Variants in FMNL2 observed in about 807,000 individuals in gnomAD.
FMNL2 encodes formin like 2.
A neutral mutation model predicts 130.2 loss-of-function variants in FMNL2; 51 were observed. That is an observed-to-expected ratio of 0.39 (90% CI 0.31 to 0.49). The LOEUF (loss-of-function observed/expected upper bound fraction) is 0.49, where lower values mean the gene tolerates loss of function less well. Ranked by LOEUF, FMNL2 falls within the 20% of genes least tolerant of loss-of-function variation. The probability of loss-of-function intolerance (pLI) is 0.85; values close to 1 mark genes in which losing one functional copy is unlikely to be tolerated. For missense variants in FMNL2, 977 were observed against 1,316.2 expected, an observed-to-expected ratio of 0.74 and a Z score of 3.99; for synonymous variants, 465 against 467.1, an observed-to-expected ratio of 1.00 and a Z score of 0.06.
rs1193540665 is a variant in FMNL2, at chr2:152,649,621, C to T, written c.*1716C>T. ...ACTTCCACTACAAAGCAGCTGTTTTCCAAAGTTCAATGCTGACATATATGT... is the reference window on the plus strand; with the variant it reads ...ACTTCCACTACAAAGCAGCTGTTTTTCAAAGTTCAATGCTGACATATATGT... On this transcript the variant is annotated 3_prime_UTR_variant, in exon 26 of 26. Coordinates refer to ENST00000288670, the MANE Select transcript of FMNL2 (RefSeq NM_052905.4). 1 of 152,622 alleles carries T rather than the reference C, an allele frequency of 6.6e-6. No individual in the cohort carries two copies. Among genetic ancestry groups the T allele is most frequent in the Non-Finnish European group, 1.5e-5 (1 of 68,038 alleles). 9.5% of individuals were successfully genotyped at this position (152,622 alleles called of 1,614,324 possible). A position where few individuals can be genotyped will look rare whatever the true frequency, so the allele number is the denominator to read the frequency against.
chr2:152,640,653 A>G (rs543792576), intron 24 of FMNL2, 138 bp from the exon 25 acceptor site: 48 of 1,085,642 alleles, frequency 4.4e-5, no homozygotes, highest in African/African-American at 1.1e-4. Context: ...GTTCTCTGCA[A>G]CTGAGCAGAA....
chr2:152,564,724 C>A (rs1695720619), intron 6 of FMNL2, among the ~76,000 whole-genome samples: 2 of 137,320 alleles, frequency 1.5e-5, no homozygotes, highest in South Asian at 2.4e-4. Flanking sequence ...CAGAGCAAGA[C>A]TCAATCTCAA....
At chr2:152,466,378 CTTTA>C (rs1462337855) in intron 1 of FMNL2, among the ~76,000 whole-genome samples, 5 of 152,186 alleles carry the variant, frequency 3.3e-5, no homozygotes, top group East Asian at 1.9e-4. Context: ...TCTTTTCTGT[CTTTA>C]TTTGTTTCTC....
chr2:152,631,335 G>A (rs1290887651), intron 20 of FMNL2, among the ~76,000 whole-genome samples: 2 of 141,258 alleles, frequency 1.4e-5, no homozygotes, highest in Admixed American at 1.5e-4. Flanking sequence ...GGAGTTTGTA[G>A]TGAGCCAAGA....
chr2:152,506,063 A>G (rs1692150978), intron 1 of FMNL2, among the ~76,000 whole-genome samples: 2 of 152,206 alleles, frequency 1.3e-5, no homozygotes, highest in African/African-American at 4.8e-5. Context: ...CCTAGATTGA[A>G]GTTTATTTGC....
chr2:152,387,032 A>C (rs964174591), intron 1 of FMNL2, among the ~76,000 whole-genome samples: 5 of 152,166 alleles, frequency 3.3e-5, no homozygotes, highest in Admixed American at 1.3e-4. Flanking sequence ...GTCATGAGGG[A>C]GGACTGGTTC....
At chr2:152,566,902 C>T (rs1215732773) in intron 6 of FMNL2, among the ~76,000 whole-genome samples, 2 of 152,128 alleles carry the variant, frequency 1.3e-5, no homozygotes, top group Admixed American at 1.3e-4. Context: ...AGGGAGAAGT[C>T]AGGAGAGTGA....
At chr2:152,492,496 A>G (rs757637832) in intron 1 of FMNL2, among the ~76,000 whole-genome samples, 11 of 152,124 alleles carry the variant, frequency 7.2e-5, no homozygotes, top group Admixed American at 5.2e-4. Context: ...GCTTTTCTCA[A>G]CTGGAGAATG....
At chr2:152,576,210 T>A (rs887834755) in intron 7 of FMNL2, among the ~76,000 whole-genome samples, 2 of 152,308 alleles carry the variant, frequency 1.3e-5, no homozygotes, top group South Asian at 2.1e-4. Context: ...AGGTGCTGTG[T>A]TAAATTTAAG....
intron 1 of FMNL2, among the ~76,000 whole-genome samples, chr2:152,342,231 C>A (rs1335373353): frequency 6.6e-6 from 1 of 152,120 alleles, no homozygotes; most frequent in Non-Finnish European, 1.5e-5. Flanking sequence ...GCTCTCCAGC[C>A]CTCAGGTTTA....
intron 13 of FMNL2, 67 bp from the exon 14 acceptor site, chr2:152,618,779 C>G (rs938267703): frequency 4.5e-5 from 61 of 1,370,254 alleles, no homozygotes; most frequent in Non-Finnish European, 5.8e-5. Flanking sequence ...CCTCAGTTTG[C>G]CAATCTGATG....
At chr2:152,629,622 T>G (rs1266644941) in intron 18 of FMNL2, 34 bp from the exon 19 acceptor site, 1 of 1,555,144 alleles carries the variant, frequency 6.4e-7, no homozygotes, top group African/African-American at 1.4e-5. Context: ...AACATGTCTT[T>G]TTTCCCCTTT....
chr2:152,575,321 C>CCCTTCGCCCAAGCGGTGT, intron 7 of FMNL2, 77 bp downstream of exon 7: 1 of 900,884 alleles, frequency 1.1e-6, no homozygotes, highest in Non-Finnish European at 1.7e-6. Context: ...GTGCAGTGTA[C>CCCTTCGCCCAAGCGGTGT]ACCGCTTGGG....
intron 17 of FMNL2, among the ~76,000 whole-genome samples, chr2:152,627,038 G>T (rs1474592452): frequency 6.6e-6 from 1 of 152,196 alleles, no homozygotes; most frequent in African/African-American, 2.4e-5. Context: ...ACTCTCTTAT[G>T]CGGGCCTCCA....
At chr2:152,644,204 G>C (rs561221721) in intron 25 of FMNL2, among the ~76,000 whole-genome samples, 4 of 151,934 alleles carry the variant, frequency 2.6e-5, no homozygotes, top group South Asian at 2.1e-4. Flanking sequence ...CTCGGCAACA[G>C]AGTGAGACCC....
intron 1 of FMNL2, among the ~76,000 whole-genome samples, chr2:152,405,173 G>T (rs538999795): frequency 1.1e-4 from 17 of 152,290 alleles, no homozygotes; most frequent in Middle Eastern, 3.4e-3. Context: ...GGACGCTGGG[G>T]TTCTAGAAAT....
rs146761422 is a variant in FMNL2, at chr2:152,489,906, A to G, written c.118-32037A>G. On this transcript the variant is annotated intron_variant, in intron 1 of 25. Coordinates refer to ENST00000288670, the MANE Select transcript of FMNL2 (RefSeq NM_052905.4). ...AGCCAAAACATACTGAGAGTTTCTT[A>G]GTCGTATTAACTGATCTGAAACTGT... is the stretch of plus-strand genomic sequence containing the variant. Among the ~76,000 whole-genome samples the G allele has an allele frequency of 6.5e-3, 989 of 152,342 alleles. 7 individuals are homozygous for G. Among genetic ancestry groups the G allele is most frequent in the African/African-American group, 0.023 (938 of 41,578 alleles).
chr2:152,390,158 C>T, intron 1 of FMNL2: 1 of 1,268,548 alleles, frequency 7.9e-7, no homozygotes, highest in South Asian at 1.2e-5. Flanking sequence ...CCAATTACTG[C>T]TGGACCCAGA....
intron 25 of FMNL2, 100 bp from the exon 26 acceptor site, chr2:152,647,696 T>C: frequency 1.8e-6 from 2 of 1,118,936 alleles, no homozygotes; most frequent in Non-Finnish European, 2.7e-6. Flanking sequence ...CTGACTTTTC[T>C]ACACAAGCTG....
Sources: allele counts gnomAD v4.1 joint callset (sites outside exome capture counted in the v4.1 genomes callset), GRCh38; gene constraint gnomAD v4.1.1; transcripts MANE v1.5; gene names NCBI Gene and HGNC (gene_info 2026-07-23, HGNC 2026-07-21).